STIM2: variants seen among roughly 807,000 people sequenced by gnomAD.
STIM2 encodes the protein stromal interaction molecule 2.
In STIM2, 31 loss-of-function variants were observed where a neutral mutation model predicts 85.8. That is an observed-to-expected ratio of 0.36 (90% CI 0.27 to 0.49). The LOEUF is 0.49. Ranked by LOEUF, STIM2 falls within the 20% of genes least tolerant of loss-of-function variation. STIM2 has a pLI of 0.98. For missense variants in STIM2, 841 were observed against 927.6 expected, an observed-to-expected ratio of 0.91 and a Z score of 1.21; for synonymous variants, 356 against 331.1, an observed-to-expected ratio of 1.08 and a Z score of -0.82.
intron 1 of STIM2, among the ~76,000 whole-genome samples, chr4:26,891,980 T>A (rs185036581): frequency 2.9e-3 from 447 of 152,328 alleles, no homozygotes; most frequent in African/African-American, 0.01. Flanking sequence ...TTTCCCATGC[T>A]GTTCTCATGA....
At chr4:26,950,096 A>G (rs1013841581) in intron 2 of STIM2, among the ~76,000 whole-genome samples, 1 of 152,190 alleles carries the variant, frequency 6.6e-6, no homozygotes, top group Non-Finnish European at 1.5e-5. Flanking sequence ...TCCATATAAC[A>G]CATAATCTTA....
chr4:26,915,472 T>TGA (rs1302677815), intron 1 of STIM2, among the ~76,000 whole-genome samples: 1 of 152,076 alleles, frequency 6.6e-6, no homozygotes, highest in Non-Finnish European at 1.5e-5. Flanking sequence ...TGACCTCAGG[T>TGA]GATCCGCCTG....
intron 5 of STIM2, among the ~76,000 whole-genome samples, chr4:26,999,983 T>G (rs1277156638): frequency 6.6e-6 from 1 of 152,168 alleles, no homozygotes; most frequent in Non-Finnish European, 1.5e-5. Flanking sequence ...GTTTGTTTTA[T>G]TTAATTTCAA....
At chr4:26,884,955 C>T (rs1723160020) in intron 1 of STIM2, among the ~76,000 whole-genome samples, 2 of 152,282 alleles carry the variant, frequency 1.3e-5, no homozygotes, top group South Asian at 2.1e-4. Context: ...GTAATTGAAC[C>T]TTGACTCCTT....
chr4:26,914,668 T>C (rs1724466600), intron 1 of STIM2, among the ~76,000 whole-genome samples: 1 of 152,226 alleles, frequency 6.6e-6, no homozygotes, highest in African/African-American at 2.4e-5. Context: ...ATTCAACAAA[T>C]ATGTCACTGT....
intron 3 of STIM2, among the ~76,000 whole-genome samples, chr4:26,983,563 A>C (rs1359606595): frequency 4.6e-5 from 7 of 152,232 alleles, no homozygotes; most frequent in Admixed American, 3.3e-4. Context: ...AGTTGCCTTG[A>C]AAATATTTCT....
chr4:26,889,126 T>A (rs1042950556), intron 1 of STIM2, among the ~76,000 whole-genome samples: 21 of 152,248 alleles, frequency 1.4e-4, no homozygotes, highest in African/African-American at 5.1e-4. Context: ...TAATAGTGAG[T>A]GGCCCCACTC....
At chr4:26,928,622 C>T (rs1458399632) in intron 2 of STIM2, among the ~76,000 whole-genome samples, 1 of 152,138 alleles carries the variant, frequency 6.6e-6, no homozygotes, top group African/African-American at 2.4e-5. Context: ...AATATTCCTG[C>T]CTCGGCCTCC....
chr4:26,967,735 G>A (rs984922488), intron 3 of STIM2, among the ~76,000 whole-genome samples: 2 of 151,920 alleles, frequency 1.3e-5, no homozygotes, highest in African/African-American at 2.4e-5. Context: ...TATCTTCCTG[G>A]TCCAGCGACA....
chr4:26,980,741 A>G (rs1000798675), intron 3 of STIM2, among the ~76,000 whole-genome samples: 13 of 152,224 alleles, frequency 8.5e-5, no homozygotes, highest in Non-Finnish European at 1.8e-4. Flanking sequence ...ATTATTTCCA[A>G]ATGCAAACAG....
chr4:26,876,044 C>A (rs1028512981), intron 1 of STIM2, among the ~76,000 whole-genome samples: 2 of 151,902 alleles, frequency 1.3e-5, no homozygotes, highest in Non-Finnish European at 2.9e-5. Flanking sequence ...GGCTCAGTAT[C>A]CAGTCCATGG....
At chr4:26,977,605 A>C (rs2109110622) in intron 3 of STIM2, among the ~76,000 whole-genome samples, 1 of 152,314 alleles carries the variant, frequency 6.6e-6, no homozygotes, top group Middle Eastern at 3.4e-3. Flanking sequence ...TTGAGGAAAT[A>C]GCTGGCAGGA....
At position 26,908,973 on chromosome 4, in the gene STIM2, G is replaced by C. The variant is rs553990042; in HGVS notation, c.152-10531G>C. 1.4e-4 allele frequency among the ~76,000 whole-genome samples: 21 copies of C among 152,322 alleles called. No individual in the cohort carries two copies. The East Asian group carries it at 2.9e-3, about 21-fold the overall frequency. On this transcript the variant is annotated intron_variant, in intron 1 of 11. Transcript: ENST00000467087. ...TCATGCCTGTAATCCCAGCACTTTG[G>C]GAAATTGAGGCATGAGGATTGCTTG... is the stretch of plus-strand genomic sequence containing the variant.
At chr4:26,965,284 A>G (rs10939144) in intron 3 of STIM2, among the ~76,000 whole-genome samples, 59,765 of 151,928 alleles carry the variant, frequency 0.39, 13,050 homozygotes, top group Non-Finnish European at 0.49. Flanking sequence ...AGAATAGGTG[A>G]CACCAGTATG....
intron 1 of STIM2, among the ~76,000 whole-genome samples, chr4:26,891,140 T>G (rs1305980687): frequency 6.6e-6 from 1 of 152,228 alleles, no homozygotes; most frequent in African/African-American, 2.4e-5. Context: ...ACTTGGCTGG[T>G]CTGTGGTGTC....
intron 4 of STIM2, among the ~76,000 whole-genome samples, chr4:26,997,261 A>G (rs978448891): frequency 2.6e-5 from 4 of 152,200 alleles, no homozygotes; most frequent in African/African-American, 9.6e-5. Flanking sequence ...TGTATTACAT[A>G]TTCTATAGAT....
intron 3 of STIM2, among the ~76,000 whole-genome samples, chr4:26,962,455 T>G (rs1487409539): frequency 1.3e-5 from 2 of 152,206 alleles, no homozygotes; most frequent in African/African-American, 4.8e-5. Context: ...CAGTGAAATG[T>G]ACCCAAGATC....
At chr4:26,882,455 T>TTC (rs1216586755) in intron 1 of STIM2, among the ~76,000 whole-genome samples, 8 of 111,392 alleles carry the variant, frequency 7.2e-5, no homozygotes, top group African/African-American at 1.0e-4. Context: ...CTTTCTTTCT[T>TTC]TTTTTTTGTT....
At chr4:26,970,229 ATATATATATATATATATG>A (rs1560224039) in intron 3 of STIM2, among the ~76,000 whole-genome samples, 26,033 of 69,398 alleles carry the variant, frequency 0.38, 2,516 homozygotes, top group Middle Eastern at 0.46. Flanking sequence ...ATATGTATAT[ATATATATATATATATATG>A]TATGTATTTT....
Sources: gnomAD v4.1 joint callset for allele counts (sites outside exome capture counted in the v4.1 genomes callset) on GRCh38, gnomAD v4.1.1 for gene constraint, MANE v1.5 for transcripts, NCBI Gene and HGNC (gene_info 2026-07-23, HGNC 2026-07-21) for gene names.